SEMA5A: variants seen among roughly 807,000 people sequenced by gnomAD.
SEMA5A encodes semaphorin 5A.
A neutral mutation model predicts 135.5 loss-of-function variants in SEMA5A; 55 were observed. The observed-to-expected ratio is 0.41, with a 90% confidence interval of 0.33 to 0.51. The LOEUF (loss-of-function observed/expected upper bound fraction) is 0.51. Ranked by LOEUF, SEMA5A falls within the 20% of genes least tolerant of loss-of-function variation. The probability of loss-of-function intolerance (pLI) is 0.37; values close to 1 mark genes in which losing one functional copy is unlikely to be tolerated. For missense variants in SEMA5A, 1,290 were observed against 1,419.9 expected (o/e 0.91, Z 1.47); for synonymous variants, 580 against 546.5 (o/e 1.06, Z -0.85).
chr5:9,057,471 T>G (rs1276153827), intron 18 of SEMA5A, among the ~76,000 whole-genome samples: 1 of 152,250 alleles, frequency 6.6e-6, no homozygotes, highest in South Asian at 2.1e-4. Flanking sequence ...GTGTATGTGA[T>G]CTAGTCTAAT....
At chr5:9,450,502 A>G (rs1229884950) in intron 1 of SEMA5A, among the ~76,000 whole-genome samples, 1 of 152,106 alleles carries the variant, frequency 6.6e-6, no homozygotes, top group South Asian at 2.1e-4. Flanking sequence ...CTGGACTCCC[A>G]TTCTCCCTCC....
chr5:9,472,744 A>C (rs1229974808), intron 1 of SEMA5A, among the ~76,000 whole-genome samples: 1 of 152,160 alleles, frequency 6.6e-6, no homozygotes, highest in Admixed American at 6.5e-5. Flanking sequence ...AATAAAAGAA[A>C]GGGAAAAAAG....
At chr5:9,312,816 T>C (rs1752203000) in intron 5 of SEMA5A, among the ~76,000 whole-genome samples, 1 of 152,176 alleles carries the variant, frequency 6.6e-6, no homozygotes, top group South Asian at 2.1e-4. Context: ...TTACACCAGA[T>C]TTATCAGGCA....
At chr5:9,325,392 G>C (rs1216088535) in intron 4 of SEMA5A, among the ~76,000 whole-genome samples, 5 of 152,052 alleles carry the variant, frequency 3.3e-5, no homozygotes, top group African/African-American at 9.6e-5. Context: ...AAGTTTGGCA[G>C]ATGCAAAATC....
In SEMA5A at chr5:9,163,458, T is replaced by A. The variant is rs150409061; in HGVS notation, c.1274-8763A>T. On this transcript the variant is annotated intron_variant, in intron 11 of 22. Coordinates refer to ENST00000382496, the MANE Select transcript of SEMA5A (RefSeq NM_003966.3). The stretch of plus-strand genomic sequence containing the variant: ...GCTGCTATTTTTTAACTTTCAATGT[T>A]TAAGTAGCTAACATGAATTTTATGG... Among the ~76,000 whole-genome samples, 251 of 152,342 alleles carry A rather than the reference T, an allele frequency of 1.6e-3. 1 individual carries two copies. Among genetic ancestry groups the A allele is most frequent in the Middle Eastern group, 0.01 (3 of 294 alleles).
At position 9,458,013 on chromosome 5, in the gene SEMA5A, T is replaced by C. The variant is rs551132980; in HGVS notation, c.-174-20161A>G. ...AGCTCCGCCTCCCGGGTTCATGCCATTCTCCTGCCTCAGCCTCCCCAGTAG... is the reference window on the plus strand; with the variant it reads ...AGCTCCGCCTCCCGGGTTCATGCCACTCTCCTGCCTCAGCCTCCCCAGTAG... On this transcript the variant is annotated intron_variant, in intron 1 of 22. Coordinates refer to ENST00000382496, the MANE Select transcript of SEMA5A (RefSeq NM_003966.3). Among the ~76,000 whole-genome samples the C allele has an allele frequency of 7.7e-3, 1,141 of 148,564 alleles. 13 individuals carry two copies. The highest frequency in any genetic ancestry group is 0.027 in the African/African-American group (1,105 of 40,516).
intron 5 of SEMA5A, among the ~76,000 whole-genome samples, chr5:9,304,598 T>C (rs1751772436): frequency 6.6e-6 from 1 of 152,186 alleles, no homozygotes; most frequent in Non-Finnish European, 1.5e-5. Context: ...AACTGGTTTA[T>C]TTATGTATTT....
At chr5:9,075,393 AATTGTAAT>A (rs1561127544) in intron 16 of SEMA5A, among the ~76,000 whole-genome samples, 3 of 137,674 alleles carry the variant, frequency 2.2e-5, no homozygotes, top group Non-Finnish European at 5.1e-5. Flanking sequence ...CAAAAGCTTT[AATTGTAAT>A]AGACAAGAAA....
chr5:9,384,549 T>TAGAC (rs1377808537), intron 2 of SEMA5A, among the ~76,000 whole-genome samples: 2 of 121,440 alleles, frequency 1.6e-5, no homozygotes, highest in Admixed American at 1.8e-4. Flanking sequence ...GATAGATAGA[T>TAGAC]AGATAGATAG....
intron 11 of SEMA5A, among the ~76,000 whole-genome samples, chr5:9,163,328 A>C (rs1401055952): frequency 6.6e-6 from 1 of 152,234 alleles, no homozygotes; most frequent in East Asian, 1.9e-4. Context: ...AATAAAAATA[A>C]GCCCCTTAAA....
At chr5:9,538,670 C>T (rs1737911291) in intron 1 of SEMA5A, among the ~76,000 whole-genome samples, 2 of 152,218 alleles carry the variant, frequency 1.3e-5, no homozygotes, top group Non-Finnish European at 2.9e-5. Context: ...ATGAGTTTAA[C>T]TGATTTAATC....
At chr5:9,445,039 T>C (rs1758379723) in intron 1 of SEMA5A, among the ~76,000 whole-genome samples, 1 of 152,206 alleles carries the variant, frequency 6.6e-6, no homozygotes, top group Non-Finnish European at 1.5e-5. Context: ...CACACACACA[T>C]ATTTACAATC....
At chr5:9,441,640 C>G (rs1579546000) in intron 1 of SEMA5A, among the ~76,000 whole-genome samples, 1 of 152,140 alleles carries the variant, frequency 6.6e-6, no homozygotes, top group Admixed American at 6.5e-5. Context: ...GCCTCATGCT[C>G]AAGTCCCTGG....
intron 1 of SEMA5A, among the ~76,000 whole-genome samples, chr5:9,504,534 C>T (rs1158282141): frequency 3.3e-5 from 5 of 152,182 alleles, no homozygotes; most frequent in Non-Finnish European, 7.3e-5. Flanking sequence ...GTCTCAAATG[C>T]AACAGCAGGT....
At chr5:9,352,320 T>A (rs1298909691) in intron 3 of SEMA5A, among the ~76,000 whole-genome samples, 1 of 152,124 alleles carries the variant, frequency 6.6e-6, no homozygotes, top group Non-Finnish European at 1.5e-5. Context: ...TTTTATTTTT[T>A]AATTTGTATC....
intron 13 of SEMA5A, among the ~76,000 whole-genome samples, chr5:9,131,025 G>A (rs574623263): frequency 1.3e-5 from 2 of 152,224 alleles, no homozygotes; most frequent in Admixed American, 6.5e-5. Context: ...ATGGCATTGA[G>A]GAGAATCCTG....
intron 5 of SEMA5A, among the ~76,000 whole-genome samples, chr5:9,292,604 C>G (rs544303574): frequency 2.9e-4 from 44 of 152,016 alleles, no homozygotes; most frequent in African/African-American, 9.9e-4. Context: ...AAATTCTTTC[C>G]AAGTTTAAAC....
At chr5:9,237,120 A>G (rs987119158) in intron 6 of SEMA5A, among the ~76,000 whole-genome samples, 2 of 152,168 alleles carry the variant, frequency 1.3e-5, no homozygotes, top group Non-Finnish European at 2.9e-5. Context: ...CTGTGCTCCA[A>G]TATAAAGTAA....
intron 4 of SEMA5A, among the ~76,000 whole-genome samples, chr5:9,325,342 CAG>C (rs1752823168): frequency 6.6e-6 from 1 of 151,748 alleles, no homozygotes; most frequent in Non-Finnish European, 1.5e-5. Flanking sequence ...GAGGAGTACA[CAG>C]ATCCAATGGG....
Sources: allele counts gnomAD v4.1 joint callset (sites outside exome capture counted in the v4.1 genomes callset), GRCh38; gene constraint gnomAD v4.1.1; transcripts MANE v1.5; gene names NCBI Gene and HGNC (gene_info 2026-07-23, HGNC 2026-07-21).